The following ARID1B variants were observed in gnomAD, a reference collection of about 807,000 sequenced individuals.
ARID1B encodes AT-rich interactive domain-containing protein 1B.
In ARID1B, 30 loss-of-function variants were observed where a neutral mutation model predicts 212.3. The ratio of observed to expected loss-of-function variants is 0.14; its 90% CI spans 0.11 to 0.19. The LOEUF (loss-of-function observed/expected upper bound fraction) is 0.19. Ranked by LOEUF, ARID1B falls within the 10% of genes least tolerant of loss-of-function variation. ARID1B has a pLI of 1.00. For synonymous variants in ARID1B, 1,402 were observed against 1,301.7 expected (o/e 1.08, Z -1.66); for missense variants, 2,891 against 3,204.0 (o/e 0.90, Z 2.36).
chr6:156,864,432 T>G (rs1016839238), intron 2 of ARID1B, among the ~76,000 whole-genome samples: 1 of 152,240 alleles, frequency 6.6e-6, no homozygotes, highest in African/African-American at 2.4e-5. Context: ...TTTTGGCTTA[T>G]GATATTTTAC....
At chr6:157,040,533 G>A (rs1781820111) in intron 4 of ARID1B, among the ~76,000 whole-genome samples, 1 of 152,024 alleles carries the variant, frequency 6.6e-6, no homozygotes, top group Non-Finnish European at 1.5e-5. Context: ...CTTCTCTTAA[G>A]CGAAATTAAA....
rs1791922334 is a variant in ARID1B at position 157,174,111 on chromosome 6, G to A, written c.3339G>A (p.Lys1113=). Residue 1113 remains lysine (K), a synonymous_variant, in exon 10 of 20, where the codon AAG becomes AAA. Coordinates refer to ENST00000636930, the MANE Select transcript of ARID1B (RefSeq NM_001374828.1). ...AAGGCACTCCACAGCCCGAGAGCAA[G>A]TCAAAGGTACTTCCTTCGCCTCTGC... ...KEEGTPQPES[K]SKDSYSSQGI... is the part of the protein sequence containing the mutation. The A allele has an allele frequency of 6.2e-7, 1 of 1,614,072 alleles. No individual in the cohort carries two copies. Among genetic ancestry groups the A allele is most frequent in the Non-Finnish European group, 8.5e-7 (1 of 1,179,900 alleles).
chr6:157,092,320 C>G (rs905529185), intron 5 of ARID1B, among the ~76,000 whole-genome samples: 1 of 152,196 alleles, frequency 6.6e-6, no homozygotes, highest in African/African-American at 2.4e-5. Flanking sequence ...TAGAACCTCC[C>G]ACTTTAAGAT....
intron 2 of ARID1B, among the ~76,000 whole-genome samples, chr6:156,888,164 G>A (rs2128182312): frequency 6.6e-6 from 1 of 152,264 alleles, no homozygotes; most frequent in South Asian, 2.1e-4. Flanking sequence ...ATTCATTTTG[G>A]CAGCTGGGTT....
At chr6:157,098,634 A>G (rs1334946149) in intron 5 of ARID1B, among the ~76,000 whole-genome samples, 4 of 152,220 alleles carry the variant, frequency 2.6e-5, no homozygotes, top group African/African-American at 9.6e-5. Flanking sequence ...TTTTGGTCAT[A>G]CTGCCTATTT....
At chr6:156,813,425 G>A (rs1027062090) in intron 1 of ARID1B, among the ~76,000 whole-genome samples, 2 of 152,052 alleles carry the variant, frequency 1.3e-5, no homozygotes, top group South Asian at 4.1e-4. Flanking sequence ...TCCTGGGTGT[G>A]TATTTTAACC....
At chr6:156,965,973 T>G (rs1289404608) in intron 4 of ARID1B, among the ~76,000 whole-genome samples, 1 of 152,242 alleles carries the variant, frequency 6.6e-6, no homozygotes, top group African/African-American at 2.4e-5. Context: ...TGCTTTTATT[T>G]TCTTTTAATG....
At chr6:157,089,714 T>C (rs1785161927) in intron 5 of ARID1B, among the ~76,000 whole-genome samples, 1 of 152,188 alleles carries the variant, frequency 6.6e-6, no homozygotes, top group Non-Finnish European at 1.5e-5. Flanking sequence ...TTCATACTGA[T>C]GTATTTATAT....
chr6:156,865,465 C>T (rs1785617758), intron 2 of ARID1B, among the ~76,000 whole-genome samples: 1 of 152,154 alleles, frequency 6.6e-6, no homozygotes, highest in African/African-American at 2.4e-5. Context: ...GTTTCCTAAT[C>T]CTTTGCATGT....
chr6:157,161,431 G>GTGTGTGTGTGTGTGTGTATATATA (rs540423195), intron 8 of ARID1B, among the ~76,000 whole-genome samples: 4 of 139,378 alleles, frequency 2.9e-5, no homozygotes, highest in African/African-American at 1.1e-4. Context: ...TTGTGTGTGT[G>GTGTGTGTGTGTGTGTGTATATATA]TATATATATA....
chr6:156,893,045 C>CTTTTCTTTTTTTTTTTTTTTTTTTTTTT (rs1554263985), intron 2 of ARID1B, among the ~76,000 whole-genome samples: 5 of 85,922 alleles, frequency 5.8e-5, no homozygotes, highest in African/African-American at 2.3e-4. Flanking sequence ...TTTTTTCTTC[C>CTTTTCTTTTTTTTTTTTTTTTTTTTTTT]TTTTTTTTTT....
At chr6:156,798,117 G>T (rs1420327816) in intron 1 of ARID1B, among the ~76,000 whole-genome samples, 1 of 152,260 alleles carries the variant, frequency 6.6e-6, no homozygotes, top group Non-Finnish European at 1.5e-5. Flanking sequence ...TGGACAGCTG[G>T]AAGAGGAGCG....
chr6:156,801,557 T>G (rs557113305), intron 1 of ARID1B, among the ~76,000 whole-genome samples: 1 of 152,300 alleles, frequency 6.6e-6, no homozygotes, highest in East Asian at 1.9e-4. Context: ...TATCTAAACT[T>G]TAAAAATAAT....
At chr6:156,877,512 A>AAC (rs904234964) in intron 2 of ARID1B, among the ~76,000 whole-genome samples, 19 of 129,682 alleles carry the variant, frequency 1.5e-4, no homozygotes, top group African/African-American at 4.8e-4. Flanking sequence ...CTACTTCAAT[A>AAC]ACGTGTCTCC....
chr6:157,021,706 C>T (rs1325084303), intron 4 of ARID1B, among the ~76,000 whole-genome samples: 1 of 151,984 alleles, frequency 6.6e-6, no homozygotes, highest in African/African-American at 2.4e-5. Context: ...GCGCGGCCGC[C>T]GCCTGCAGGC....
At chr6:157,056,130 C>A (rs1782939673) in intron 4 of ARID1B, among the ~76,000 whole-genome samples, 1 of 152,180 alleles carries the variant, frequency 6.6e-6, no homozygotes, top group South Asian at 2.1e-4. Flanking sequence ...TACCTGTCAT[C>A]TCCACACCGC....
At chr6:157,015,627 A>T (rs1779878698) in intron 4 of ARID1B, among the ~76,000 whole-genome samples, 1 of 152,318 alleles carries the variant, frequency 6.6e-6, no homozygotes, top group Middle Eastern at 3.4e-3. Context: ...AGTTATTCTA[A>T]AGGGGACCCA....
intron 4 of ARID1B, among the ~76,000 whole-genome samples, chr6:156,960,810 A>AT (rs10716175): frequency 2.0e-5 from 3 of 151,876 alleles, no homozygotes; most frequent in Non-Finnish European, 4.4e-5. Context: ...ACTTTACTGT[A>AT]TTTTTTTTAA....
chr6:156,942,170 G>C (rs1792725542), intron 4 of ARID1B: 1 of 152,120 alleles, frequency 6.6e-6, no homozygotes, highest in African/African-American at 2.4e-5. Context: ...TAAAAAAATA[G>C]ACACTAGACA....
Sources: gnomAD v4.1 joint callset for allele counts (sites outside exome capture counted in the v4.1 genomes callset) on GRCh38, gnomAD v4.1.1 for gene constraint, MANE v1.5 for transcripts, NCBI Gene and HGNC (gene_info 2026-07-23, HGNC 2026-07-21) for gene names.